The following PAK5 variants were observed in gnomAD, a reference collection of about 807,000 sequenced individuals.
PAK5 encodes the protein serine/threonine-protein kinase PAK 5.
A neutral mutation model predicts 65.9 loss-of-function variants in PAK5; 16 were observed. That is an observed-to-expected ratio of 0.24 (90% CI 0.16 to 0.37). PAK5 has a LOEUF of 0.37. Among genes scored for constraint, PAK5 ranks in the 10% least tolerant of loss-of-function variants. The pLI is 1.00. For missense variants in PAK5, 785 were observed against 903.9 expected (o/e 0.87, Z 1.69); for synonymous variants, 371 against 354.9 (o/e 1.05, Z -0.51).
intron 2 of PAK5, among the ~76,000 whole-genome samples, chr20:9,676,107 A>G (rs184140632): frequency 1.3e-5 from 2 of 152,286 alleles, no homozygotes; most frequent in East Asian, 3.8e-4. Context: ...CACATCTTAC[A>G]TGGATGGCAG....
chr20:9,669,379 C>A (rs2047462781), intron 2 of PAK5, among the ~76,000 whole-genome samples: 1 of 152,032 alleles, frequency 6.6e-6, no homozygotes, highest in Non-Finnish European at 1.5e-5. Context: ...CTGAATTTCC[C>A]TTTTTAACTT....
intron 2 of PAK5, among the ~76,000 whole-genome samples, chr20:9,689,147 C>T (rs2047759009): frequency 6.6e-6 from 1 of 152,202 alleles, no homozygotes; most frequent in African/African-American, 2.4e-5. Context: ...TTTCTCTCCT[C>T]AGGTACTGCT....
intron 2 of PAK5, among the ~76,000 whole-genome samples, chr20:9,657,995 A>G (rs1002778185): frequency 2.6e-5 from 4 of 152,184 alleles, no homozygotes; most frequent in Non-Finnish European, 5.9e-5. Context: ...ACACCCATCT[A>G]CTTTCTGAAG....
intron 1 of PAK5, among the ~76,000 whole-genome samples, chr20:9,739,584 A>T (rs916180862): frequency 6.6e-6 from 1 of 152,144 alleles, no homozygotes; most frequent in Non-Finnish European, 1.5e-5. Flanking sequence ...ATTTTTAAAT[A>T]GTCTTTTCCA....
At chr20:9,546,896 G>T (rs1047730949) in intron 7 of PAK5, among the ~76,000 whole-genome samples, 5 of 152,176 alleles carry the variant, frequency 3.3e-5, no homozygotes, top group African/African-American at 1.2e-4. Context: ...TACAAACGTG[G>T]TGAATATGAT....
intron 3 of PAK5, among the ~76,000 whole-genome samples, chr20:9,587,616 T>C (rs1219344982): frequency 6.6e-6 from 1 of 152,058 alleles, no homozygotes; most frequent in African/African-American, 2.4e-5. Flanking sequence ...TTCTCAAACT[T>C]TAAAGTGCAC....
At chr20:9,772,902 T>A (rs964745749) in intron 1 of PAK5, among the ~76,000 whole-genome samples, 2 of 152,182 alleles carry the variant, frequency 1.3e-5, no homozygotes, top group Non-Finnish European at 2.9e-5. Context: ...CACATGTTGG[T>A]TGAAAAATAT....
Position 9,544,441 on chromosome 20 carries a change from C to G in PAK5, c.1797G>C (p.Lys599Asn). ...AGGGAGTGCCAACCAATGATTTCCTCTTCGGCACCTCTTTGGAAACTTGAG... is the reference window on the plus strand; with the variant it reads ...AGGGAGTGCCAACCAATGATTTCCTGTTCGGCACCTCTTTGGAAACTTGAG... ...FCAQVSKEVPKRKSLVGTPYW... is the reference protein window; with the variant it reads ...FCAQVSKEVPNRKSLVGTPYW... The change falls in exon 8 of 10, where the codon AAG becomes AAC. Residue 599 changes from lysine to asparagine, a missense_variant. Coordinates refer to ENST00000353224, the MANE Select transcript of PAK5 (RefSeq NM_177990.4). The G allele has an allele frequency of 1.9e-6, 3 of 1,613,906 alleles. No homozygotes were observed. Among genetic ancestry groups the G allele is most frequent in the Non-Finnish European group, 2.5e-6 (3 of 1,179,742 alleles).
In PAK5 at chr20:9,544,417, G is replaced by C. The variant is rs1350685354; in HGVS notation, c.1821C>G (p.Pro607=). ...AAATCACCTCAGGGGCCATCCAGTA[G>C]GGAGTGCCAACCAATGATTTCCTCT... ...VPKRKSLVGT[P]YWMAPEVISR... is the part of the protein sequence containing the mutation. The change falls in exon 8 of 10, where the codon CCC becomes CCG. Residue 607 remains proline (P), a synonymous_variant. Coordinates refer to ENST00000353224, the MANE Select transcript of PAK5 (RefSeq NM_177990.4). The C allele has an allele frequency of 6.8e-6, 11 of 1,613,616 alleles. No individual in the cohort carries two copies.
intron 6 of PAK5, 38 bp downstream of exon 6, chr20:9,562,853 G>A (rs557329327): frequency 3.8e-6 from 6 of 1,588,346 alleles, no homozygotes; most frequent in South Asian, 2.2e-5. Flanking sequence ...AGAAGAATAA[G>A]AAGCACCTCG....
chr20:9,653,696 T>C (rs192397964), intron 2 of PAK5, among the ~76,000 whole-genome samples: 19 of 152,362 alleles, frequency 1.2e-4, no homozygotes, highest in Non-Finnish European at 2.4e-4. Flanking sequence ...CTAAAGTTGC[T>C]GTAACAAATT....
chr20:9,642,187 G>T (rs1345853655), intron 3 of PAK5, among the ~76,000 whole-genome samples: 1 of 152,188 alleles, frequency 6.6e-6, no homozygotes, highest in East Asian at 1.9e-4. Context: ...GGGATGGCTG[G>T]GTCAAATGGT....
chr20:9,701,004 T>C (rs1212581736), intron 2 of PAK5, among the ~76,000 whole-genome samples: 1 of 152,054 alleles, frequency 6.6e-6, no homozygotes, highest in East Asian at 1.9e-4. Context: ...CATAGAGCAA[T>C]GATAGATTGG....
intron 1 of PAK5, among the ~76,000 whole-genome samples, chr20:9,788,429 C>T (rs564455979): frequency 2.6e-5 from 4 of 152,124 alleles, no homozygotes; most frequent in South Asian, 2.1e-4. Flanking sequence ...CCCGTTACCA[C>T]CCAGATTCTA....
intron 1 of PAK5, among the ~76,000 whole-genome samples, chr20:9,779,364 A>C (rs2048918424): frequency 6.7e-6 from 1 of 150,368 alleles, no homozygotes; most frequent in Non-Finnish European, 1.5e-5. Context: ...ATATATATAT[A>C]TCTAAAATAT....
intron 1 of PAK5, among the ~76,000 whole-genome samples, chr20:9,729,199 C>T (rs2048308501): frequency 6.6e-6 from 1 of 151,462 alleles, no homozygotes; most frequent in Non-Finnish European, 1.5e-5. Context: ...TGTGCCACTG[C>T]ACTCCAGCCT....
At chr20:9,695,666 A>G (rs1272937975) in intron 2 of PAK5, among the ~76,000 whole-genome samples, 1 of 152,086 alleles carries the variant, frequency 6.6e-6, no homozygotes, top group Admixed American at 6.6e-5. Context: ...GCAAATATCT[A>G]TTGAAGGAAT....
chr20:9,621,637 A>G (rs2046770529), intron 3 of PAK5, among the ~76,000 whole-genome samples: 1 of 152,228 alleles, frequency 6.6e-6, no homozygotes, highest in Admixed American at 6.5e-5. Flanking sequence ...TGGGCTTATT[A>G]TCTAAAAACC....
chr20:9,739,653 A>G (rs1365930186), intron 1 of PAK5, among the ~76,000 whole-genome samples: 2 of 152,164 alleles, frequency 1.3e-5, no homozygotes, highest in Non-Finnish European at 2.9e-5. Context: ...ACTTTTTCTC[A>G]GGGGTCAGAT....
Sources: allele counts gnomAD v4.1 joint callset (sites outside exome capture counted in the v4.1 genomes callset), GRCh38; gene constraint gnomAD v4.1.1; transcripts MANE v1.5; gene names NCBI Gene and HGNC (gene_info 2026-07-23, HGNC 2026-07-21).